CRYBB3: variants seen among roughly 807,000 people sequenced by gnomAD.
CRYBB3 encodes the protein crystallin beta B3.
A neutral mutation model predicts 28.3 loss-of-function variants in CRYBB3; 35 were observed. That is an observed-to-expected ratio of 1.24 (90% CI 0.95 to 1.64). The LOEUF (loss-of-function observed/expected upper bound fraction) is 1.64, where lower values mean the gene tolerates loss of function less well. Among genes scored for constraint, CRYBB3 ranks in the 40% most tolerant of loss-of-function variants. CRYBB3 has a pLI of 0.00. For synonymous variants in CRYBB3, 106 were observed against 110.4 expected (o/e 0.96, Z 0.25); for missense variants, 296 against 297.4 (o/e 1.00, Z 0.04).
intron 1 of CRYBB3, among the ~76,000 whole-genome samples, chr22:25,201,168 G>C (rs1934940643): frequency 6.6e-6 from 1 of 152,156 alleles, no homozygotes; most frequent in Admixed American, 6.5e-5. Context: ...GTTCCCCTCT[G>C]TACAATGGGG....
At chr22:25,204,375 G>A (rs1411399403) in intron 4 of CRYBB3, among the ~76,000 whole-genome samples, 2 of 152,106 alleles carry the variant, frequency 1.3e-5, no homozygotes, top group East Asian at 1.9e-4. Context: ...CCATGCTGGA[G>A]TGCAGTCTTT....
At chr22:25,202,648 G>C (rs1298959352) in intron 2 of CRYBB3, 26 bp from the exon 3 acceptor site, 6 of 1,612,982 alleles carry the variant, frequency 3.7e-6, no homozygotes, top group Non-Finnish European at 4.2e-6. Flanking sequence ...AGCAGAGGTG[G>C]GATGTTTAGG....
chr22:25,200,435 T>G (rs1934924472), intron 1 of CRYBB3, among the ~76,000 whole-genome samples: 1 of 151,080 alleles, frequency 6.6e-6, no homozygotes, highest in African/African-American at 2.4e-5. Context: ...TGGGCAGGGA[T>G]GTGTGTGTGT....
At chr22:25,206,964 G>A in intron 5 of CRYBB3, 83 bp from the exon 6 acceptor site, 1 of 1,010,444 alleles carries the variant, frequency 9.9e-7, no homozygotes, top group South Asian at 1.3e-5. Context: ...AATGTAGGCA[G>A]GCAGAGTGCA....
At position 25,203,771 on chromosome 22, in the gene CRYBB3, C is replaced by T. The variant is rs776894567; in HGVS notation, c.203C>T (p.Ala68Val). ...GCCTCTTCCTCCCTCAGGTGGCTGG[C>T]ATTTGAGTCCAGGGCCTTCCGCGGG... ...SIQVESGPWL[A>V]FESRAFRGEQ... Residue 68 changes from alanine to valine, a missense_variant, in exon 4 of 6, where the codon GCA (alanine) becomes GTA (valine). Ala to Val is a moderately conservative substitution (Grantham distance 64). Coordinates refer to ENST00000215855, the MANE Select transcript of CRYBB3 (RefSeq NM_004076.5). 1.2e-6 allele frequency: 2 copies of T among 1,614,050 alleles called. No individual in the cohort carries two copies. Among genetic ancestry groups the T allele is most frequent in the Non-Finnish European group, 1.7e-6 (2 of 1,180,018 alleles).
chr22:25,205,298 G>A lies in CRYBB3; in HGVS notation c.406G>A (p.Val136Met), dbSNP rs936212789. ...GRKMEIVDDD[V>M]PSLWAHGFQD... is the part of the protein sequence containing the mutation. ...CAAGATGGAGATAGTGGATGATGACGTGCCCAGCCTGTGGGCTCATGGCTT... is the reference window on the plus strand; with the variant it reads ...CAAGATGGAGATAGTGGATGATGACATGCCCAGCCTGTGGGCTCATGGCTT... Residue 136 changes from valine to methionine, a missense_variant, in exon 5 of 6, where the codon GTG becomes ATG. Coordinates refer to ENST00000215855, the MANE Select transcript of CRYBB3 (RefSeq NM_004076.5). The A allele has an allele frequency of 2.9e-5, 46 of 1,613,978 alleles. No homozygotes were observed. Among genetic ancestry groups the A allele is most frequent in the Non-Finnish European group, 3.4e-5 (40 of 1,180,028 alleles).
chr22:25,202,530 G>T, intron 2 of CRYBB3, 144 bp from the exon 3 acceptor site: 1 of 1,519,748 alleles, frequency 6.6e-7, no homozygotes, highest in African/African-American at 1.4e-5. Flanking sequence ...CCATTAGAGG[G>T]CAGTGCAGGC....
intron 5 of CRYBB3, 92 bp from the exon 6 acceptor site, chr22:25,206,955 A>T: frequency 1.1e-6 from 1 of 935,000 alleles, no homozygotes. Context: ...CTAAAGAGGA[A>T]TGTAGGCAGG....
rs183993135 is a variant in CRYBB3 at position 25,201,417 on chromosome 22, A to G, written c.21A>G (p.Ala7=). Reference sequence around the variant, plus strand: ...GGGAGATGGCGGAACAGCACGGAGCACCCGAACAGGCTGCAGCTGGCAAGA... The same window carrying G: ...GGGAGATGGCGGAACAGCACGGAGCGCCCGAACAGGCTGCAGCTGGCAAGA... MAEQHG[A]PEQAAAGKSH... Residue 7 remains alanine (A), a synonymous_variant, in exon 2 of 6, where the codon GCA becomes GCG. Coordinates refer to ENST00000215855, the MANE Select transcript of CRYBB3 (RefSeq NM_004076.5). The G allele has an allele frequency of 3.1e-6, 5 of 1,613,404 alleles. No individual in the cohort carries two copies. In the African/African-American group the frequency reaches 6.7e-5, roughly 22 times the overall value.
At chr22:25,203,349 T>C (rs1185247686) in intron 3 of CRYBB3, among the ~76,000 whole-genome samples, 1 of 152,174 alleles carries the variant, frequency 6.6e-6, no homozygotes, top group South Asian at 2.1e-4. Flanking sequence ...TGAATGGGGA[T>C]AACAATGGTA....
Position 25,203,747 on chromosome 22 carries a change from C to A in CRYBB3, c.195-16C>A, listed in dbSNP as rs748224794. The stretch of plus-strand genomic sequence containing the variant: ...CTGCAGCAAAGGTGACCCAGCCAAG[C>A]CTCTTCCTCCCTCAGGTGGCTGGCA... On this transcript the variant is annotated splice_polypyrimidine_tract_variant and intron_variant, in intron 3 of 5. Coordinates refer to ENST00000215855, the MANE Select transcript of CRYBB3 (RefSeq NM_004076.5). 20 of 1,614,036 alleles carry A rather than the reference C, an allele frequency of 1.2e-5. No homozygotes were observed. Among genetic ancestry groups the A allele is most frequent in the Non-Finnish European group, 1.6e-5 (19 of 1,180,030 alleles).
At chr22:25,203,538 T>C (rs1934982552) in intron 3 of CRYBB3, among the ~76,000 whole-genome samples, 1 of 152,200 alleles carries the variant, frequency 6.6e-6, no homozygotes, top group Non-Finnish European at 1.5e-5. Flanking sequence ...GCACAGAGGC[T>C]AGATTCTCAA....
chr22:25,204,827 G>A (rs568430928), intron 4 of CRYBB3, among the ~76,000 whole-genome samples: 26 of 152,340 alleles, frequency 1.7e-4, no homozygotes, highest in African/African-American at 5.8e-4. Flanking sequence ...TTAGAGGGCA[G>A]TGGAAGAGGG....
chr22:25,203,073 A>G (rs1011871231), intron 3 of CRYBB3, among the ~76,000 whole-genome samples: 2 of 152,248 alleles, frequency 1.3e-5, no homozygotes, highest in Non-Finnish European at 2.9e-5. Context: ...TTTTAATAAT[A>G]ATTGTAACAC....
chr22:25,203,603 T>C (rs1934983263), intron 3 of CRYBB3, among the ~76,000 whole-genome samples, 160 bp from the exon 4 acceptor site: 1 of 152,176 alleles, frequency 6.6e-6, no homozygotes, highest in Non-Finnish European at 1.5e-5. Flanking sequence ...TCCCGGTATG[T>C]CCTAGCAGCT....
intron 4 of CRYBB3, among the ~76,000 whole-genome samples, chr22:25,204,904 A>G (rs1280467688): frequency 6.6e-6 from 1 of 152,124 alleles, no homozygotes; most frequent in Non-Finnish European, 1.5e-5. Context: ...GATACTTTTG[A>G]TCTCTGTCCA....
chr22:25,201,247 G>A, intron 1 of CRYBB3, 130 bp from the exon 2 acceptor site: 1 of 1,521,736 alleles, frequency 6.6e-7, no homozygotes, highest in Non-Finnish European at 8.9e-7. Context: ...CTGAATGACT[G>A]AATGTCGATC....
In CRYBB3 at chr22:25,201,388, C is replaced by A. The variant is rs759527194; in HGVS notation, c.-9C>A. The A allele has an allele frequency of 3.1e-6, 5 of 1,613,150 alleles. No individual in the cohort carries two copies. The highest frequency in any genetic ancestry group is 4.2e-6 in the Non-Finnish European group (5 of 1,179,462). On this transcript the variant is annotated 5_prime_UTR_variant, in exon 2 of 6. Transcript: ENST00000215855. Reference sequence around the variant, plus strand: ...CTTTTGGTTTGAAGCCAGAGGTGTTCCTGGGGAGATGGCGGAACAGCACGG... The same window carrying A: ...CTTTTGGTTTGAAGCCAGAGGTGTTACTGGGGAGATGGCGGAACAGCACGG...
intron 4 of CRYBB3, 98 bp downstream of exon 4, chr22:25,203,993 G>A (rs1601407796): frequency 6.7e-7 from 1 of 1,497,160 alleles, no homozygotes; most frequent in Non-Finnish European, 9.3e-7. Context: ...TGAGGGTTTG[G>A]CCCATATGGA....
Sources: allele counts gnomAD v4.1 joint callset (sites outside exome capture counted in the v4.1 genomes callset), GRCh38; gene constraint gnomAD v4.1.1; transcripts MANE v1.5; gene names NCBI Gene and HGNC (gene_info 2026-07-23, HGNC 2026-07-21).